WDPCP: variants seen among roughly 807,000 people sequenced by gnomAD.
WDPCP encodes WD repeat containing planar cell polarity effector, also known as WD repeat-containing and planar cell polarity effector protein fritz homolog.
In WDPCP, 71 loss-of-function variants were observed where a neutral mutation model predicts 93.1. The observed-to-expected ratio is 0.76, with a 90% confidence interval of 0.63 to 0.93. The LOEUF (loss-of-function observed/expected upper bound fraction) is 0.93. Ranked by LOEUF, WDPCP falls within the 40% of genes least tolerant of loss-of-function variation. The pLI is 0.00. For synonymous variants in WDPCP, 315 were observed against 315.0 expected, an observed-to-expected ratio of 1.00 and a Z score of 0.00; for missense variants, 844 against 887.4, an observed-to-expected ratio of 0.95 and a Z score of 0.62.
chr2:63,454,877 T>C lies in WDPCP; in HGVS notation c.385-15006A>G, dbSNP rs151081194. Among the ~76,000 whole-genome samples the C allele has an allele frequency of 4.1e-4, 62 of 152,156 alleles. No individual in the cohort carries two copies. The East Asian group carries it at 0.012, about 28-fold the overall frequency. On this transcript the variant is annotated intron_variant, in intron 6 of 17. Coordinates refer to ENST00000272321, the MANE Select transcript of WDPCP (RefSeq NM_015910.7). ...ACAGCAAACTTCTCAGCAGAAACCT[T>C]ATGGGCCAGGAGAGAATGAAAAAAT...
chr2:63,752,613 A>G, intron 2 of WDPCP: 1 of 528,892 alleles, frequency 1.9e-6, no homozygotes, highest in South Asian at 2.5e-5. Context: ...TCTTTAGGAT[A>G]CTGATTTAGA....
upstream of WDPCP, chr2:63,590,893 T>C (rs1709189198): frequency 3.9e-5 from 6 of 152,226 alleles, no homozygotes. Context: ...TGTAAGCTCA[T>C]TCAAAGCGGA....
chr2:63,459,524 T>A (rs1418212069), intron 6 of WDPCP, among the ~76,000 whole-genome samples: 1 of 152,096 alleles, frequency 6.6e-6, no homozygotes, highest in Non-Finnish European at 1.5e-5. Flanking sequence ...AGACAAAAAA[T>A]AACATGCTGG....
At chr2:63,815,907 T>TTC (rs2104106340) in intron 1 of WDPCP, among the ~76,000 whole-genome samples, 1 of 152,052 alleles carries the variant, frequency 6.6e-6, no homozygotes, top group South Asian at 2.1e-4. Flanking sequence ...CTTTTTTTTT[T>TTC]CACTTTAATC....
At chr2:63,751,685 T>C in intron 2 of WDPCP, 1 of 503,274 alleles carries the variant, frequency 2.0e-6, no homozygotes, top group Non-Finnish European at 3.8e-6. Flanking sequence ...TGTTTCCTGG[T>C]AGTAACTAAA....
chr2:63,599,097 C>T (rs779975136), intron 3 of WDPCP: 6 of 1,486,586 alleles, frequency 4.0e-6, no homozygotes, highest in Admixed American at 1.9e-5. Flanking sequence ...TAGACATTTT[C>T]AGTCAAATTT....
chr2:63,373,908 G>C (rs1341645925), intron 12 of WDPCP, among the ~76,000 whole-genome samples: 1 of 151,984 alleles, frequency 6.6e-6, no homozygotes. Context: ...AAGGACCTTA[G>C]AATGCTTTAA....
intron 2 of WDPCP, among the ~76,000 whole-genome samples, chr2:63,780,135 TA>T (rs1481411142): frequency 3.3e-5 from 5 of 152,176 alleles, no homozygotes; most frequent in Admixed American, 2.6e-4. Context: ...CTTTTATTTT[TA>T]TTTCTAGCTC....
At chr2:63,405,531 TAG>T (rs1558586301) in intron 9 of WDPCP, among the ~76,000 whole-genome samples, 2 of 119,382 alleles carry the variant, frequency 1.7e-5, no homozygotes, top group Non-Finnish European at 3.4e-5. Flanking sequence ...GATTTTGGTA[TAG>T]TGTGTGTGTG....
At chr2:63,598,622 AT>A (rs1339004403) in intron 3 of WDPCP, among the ~76,000 whole-genome samples, 1 of 152,156 alleles carries the variant, frequency 6.6e-6, no homozygotes, top group South Asian at 2.1e-4. Flanking sequence ...AGATATCTGC[AT>A]TTTTTGCTTT....
intron 12 of WDPCP, among the ~76,000 whole-genome samples, chr2:63,348,570 A>G (rs1389663530): frequency 2.0e-5 from 3 of 152,174 alleles, no homozygotes; most frequent in Non-Finnish European, 4.4e-5. Context: ...TGACTCTATT[A>G]CCATATAATA....
At chr2:63,144,641 T>A (rs751596623) in intron 17 of WDPCP, among the ~76,000 whole-genome samples, 2 of 152,234 alleles carry the variant, frequency 1.3e-5, no homozygotes, top group Non-Finnish European at 2.9e-5. Context: ...TGAATATTTC[T>A]CCCTTCACTT....
chr2:63,216,474 G>A (rs1440528861), intron 14 of WDPCP, among the ~76,000 whole-genome samples: 2 of 152,048 alleles, frequency 1.3e-5, no homozygotes, highest in Non-Finnish European at 1.5e-5. Context: ...ACCAAACACC[G>A]CATGTGTTCT....
intron 13 of WDPCP, among the ~76,000 whole-genome samples, chr2:63,301,896 T>G (rs6713500): frequency 0.78 from 119,182 of 151,944 alleles, 47,327 homozygotes; most frequent in East Asian, 0.96. Flanking sequence ...CCTGAGACTT[T>G]AAAGAAAAAG....
At chr2:63,750,980 T>G (rs1293948710) in intron 2 of WDPCP, among the ~76,000 whole-genome samples, 1 of 152,174 alleles carries the variant, frequency 6.6e-6, no homozygotes, top group East Asian at 1.9e-4. Flanking sequence ...AGAGTTATGG[T>G]GGCCTCACGA....
chr2:63,758,347 C>A (rs973599380), intron 2 of WDPCP, among the ~76,000 whole-genome samples: 2 of 151,106 alleles, frequency 1.3e-5, no homozygotes, highest in African/African-American at 4.9e-5. Flanking sequence ...ATGAGGGCCT[C>A]AATGAAAGTT....
intron 3 of WDPCP, among the ~76,000 whole-genome samples, chr2:63,616,831 T>C (rs1326875663): frequency 6.6e-6 from 1 of 152,242 alleles, no homozygotes; most frequent in Non-Finnish European, 1.5e-5. Flanking sequence ...ATTTTAAAGC[T>C]AGAAGAAACT....
chr2:63,325,680 T>C (rs1490063463), intron 12 of WDPCP, among the ~76,000 whole-genome samples: 1 of 152,228 alleles, frequency 6.6e-6, no homozygotes, highest in Non-Finnish European at 1.5e-5. Context: ...TTTCTTGTTA[T>C]GCCTGAAAGT....
chr2:63,579,970 T>C (rs1450499346), intron 1 of WDPCP, among the ~76,000 whole-genome samples: 1 of 152,196 alleles, frequency 6.6e-6, no homozygotes, highest in African/African-American at 2.4e-5. Flanking sequence ...AGCGGGCTCC[T>C]GATATGTTCA....
Sources: allele counts gnomAD v4.1 joint callset (sites outside exome capture counted in the v4.1 genomes callset), GRCh38; gene constraint gnomAD v4.1.1; transcripts MANE v1.5; gene names NCBI Gene and HGNC (gene_info 2026-07-23, HGNC 2026-07-21).